Variants in SPATA13 observed in about 807,000 individuals in gnomAD.
The protein encoded by SPATA13 is spermatogenesis-associated protein 13.
A neutral mutation model predicts 104.0 loss-of-function variants in SPATA13; 50 were observed. That is an observed-to-expected ratio of 0.48 (90% confidence interval 0.38 to 0.61). SPATA13 has a LOEUF of 0.61. Ranked by LOEUF, SPATA13 falls within the 20% of genes least tolerant of loss-of-function variation. The pLI, the probability that SPATA13 is intolerant of heterozygous loss-of-function variation, is 0.00. For missense variants in SPATA13, 1,524 were observed against 1,690.6 expected (o/e 0.90, Z 1.73); for synonymous variants, 606 against 667.5 (o/e 0.91, Z 1.42).
chr13:24,172,927 C>A (rs1054661092), intron 1 of SPATA13, among the ~76,000 whole-genome samples: 5 of 152,186 alleles, frequency 3.3e-5, no homozygotes, highest in African/African-American at 9.7e-5. Context: ...AGTTTCTGAT[C>A]AGTTAACACA....
intron 2 of SPATA13, among the ~76,000 whole-genome samples, chr13:24,007,958 C>G (rs1876306118): frequency 6.6e-6 from 1 of 152,172 alleles, no homozygotes; most frequent in Non-Finnish European, 1.5e-5. Flanking sequence ...CAAGCATAAC[C>G]CAGAAGTCCT....
chr13:24,075,444 G>T (rs1879293533), intron 3 of SPATA13, among the ~76,000 whole-genome samples: 1 of 152,008 alleles, frequency 6.6e-6, no homozygotes, highest in Non-Finnish European at 1.5e-5. Flanking sequence ...TGTTAATAAA[G>T]GGGAAAAATC....
At chr13:24,009,973 G>C (rs1876397355) in intron 2 of SPATA13, among the ~76,000 whole-genome samples, 1 of 152,172 alleles carries the variant, frequency 6.6e-6, no homozygotes. Flanking sequence ...TTTACAGGCA[G>C]TCCTGACAAC....
In SPATA13 at chr13:24,232,964, C is replaced by T. The variant is rs140361095; in HGVS notation, c.1653+8382C>T. Among the ~76,000 whole-genome samples the T allele has an allele frequency of 5.3e-4, 81 of 152,260 alleles. 1 individual carries two copies. The highest frequency in any genetic ancestry group is 1.8e-3 in the African/African-American group (74 of 41,538). ...ACTCTAAGATTACAAAGATTTTCTT[C>T]TGTGTTATTTTCTGGAAGTTTTATC... On this transcript the variant is annotated intron_variant, in intron 2 of 12. Coordinates refer to ENST00000382108, the MANE Select transcript of SPATA13 (RefSeq NM_001166271.3).
At chr13:24,159,358 A>C (rs1882370858), upstream of SPATA13, among the ~76,000 whole-genome samples, 1 of 152,244 alleles carries the variant, frequency 6.6e-6, no homozygotes, top group African/African-American at 2.4e-5. Context: ...GAATTAAATA[A>C]AATTTGCCCA....
rs1873494444 is a variant in SPATA13 at position 24,251,743 on chromosome 13, C to T, written c.2045C>T (p.Ala682Val). 6.2e-7 allele frequency: 1 copy of T among 1,614,072 alleles called. No homozygotes were observed. The highest frequency in any genetic ancestry group is 8.5e-7 in the Non-Finnish European group (1 of 1,180,020). The change falls in exon 4 of 13, where the codon GCT becomes GTT. Residue 682 changes from alanine to valine, a missense_variant. Physicochemically the swap from Ala to Val is moderately conservative, Grantham distance 64. This residue lies in a region of SPATA13 where 1,089 missense variants were observed against 1,135.9 expected (regional missense o/e 0.96). Transcript: ENST00000382108. ...CCGGCTTCCAGGCCGCCCATGCCTG[C>T]TCACCAGGTGCCACCCTACAAGGCT... ...TQPASRPPMP[A>V]HQVPPYKAVS... is the part of the protein sequence containing the mutation.
At chr13:24,210,766 G>GTTTTTTTTTTTT (rs58789886) in intron 1 of SPATA13, among the ~76,000 whole-genome samples, 3 of 137,444 alleles carry the variant, frequency 2.2e-5, no homozygotes, top group African/African-American at 5.3e-5. Context: ...GAATTTTAGG[G>GTTTTTTTTTTTT]TTTTTTTTTT....
chr13:24,101,516 C>T (rs1880257737), intron 3 of SPATA13, among the ~76,000 whole-genome samples: 1 of 152,166 alleles, frequency 6.6e-6, no homozygotes, highest in African/African-American at 2.4e-5. Context: ...AAACTTACCA[C>T]CTTAACCATT....
At chr13:24,071,602 T>C (rs927621734) in intron 3 of SPATA13, among the ~76,000 whole-genome samples, 4 of 152,222 alleles carry the variant, frequency 2.6e-5, no homozygotes, top group Admixed American at 6.5e-5. Context: ...CTCAGCCCTC[T>C]GTAGTATGGA....
At chr13:24,236,276 C>T (rs1049957068) in intron 2 of SPATA13, among the ~76,000 whole-genome samples, 1 of 152,014 alleles carries the variant, frequency 6.6e-6, no homozygotes, top group Non-Finnish European at 1.5e-5. Flanking sequence ...ATGATATCTT[C>T]AACAACAACA....
chr13:24,111,374 CA>C (rs1466898620), intron 3 of SPATA13, among the ~76,000 whole-genome samples: 2 of 152,116 alleles, frequency 1.3e-5, no homozygotes, highest in African/African-American at 4.8e-5. Context: ...TCTATCCTTC[CA>C]GGGGGACTTT....
At chr13:24,129,269 C>T (rs1332007260) in intron 3 of SPATA13, among the ~76,000 whole-genome samples, 1 of 152,232 alleles carries the variant, frequency 6.6e-6, no homozygotes, top group Non-Finnish European at 1.5e-5. Flanking sequence ...AGTCTGAGTA[C>T]AGCGTCTGTC....
intron 1 of SPATA13, among the ~76,000 whole-genome samples, chr13:24,182,494 CAGAG>C (rs60047720): frequency 2.0e-5 from 3 of 148,910 alleles, no homozygotes; most frequent in Admixed American, 6.7e-5. Context: ...GAGAGAGAGA[CAGAG>C]AGAGAGAGAG....
At chr13:24,132,019 G>A (rs1365099046) in intron 3 of SPATA13, among the ~76,000 whole-genome samples, 1 of 152,232 alleles carries the variant, frequency 6.6e-6, no homozygotes, top group East Asian at 1.9e-4. Flanking sequence ...GTCAGCCAAT[G>A]AGATGCGCTT....
chr13:24,219,513 A>G (rs910730644), intron 1 of SPATA13, among the ~76,000 whole-genome samples: 1 of 152,254 alleles, frequency 6.6e-6, no homozygotes, highest in Non-Finnish European at 1.5e-5. Context: ...TACGGATTAG[A>G]CAAGGCAGGA....
intron 1 of SPATA13, among the ~76,000 whole-genome samples, chr13:24,203,476 G>T (rs537417951): frequency 1.0e-3 from 154 of 152,276 alleles, no homozygotes; most frequent in African/African-American, 3.7e-3. Flanking sequence ...GTGACTGAAA[G>T]GGGACAGCAC....
intron 3 of SPATA13, among the ~76,000 whole-genome samples, chr13:24,052,083 A>C (rs1427866684): frequency 3.1e-5 from 2 of 65,132 alleles, no homozygotes; most frequent in Non-Finnish European, 7.3e-5. Flanking sequence ...TTACACCAGC[A>C]TCCTGTGCTG....
At chr13:23,983,130 C>T (rs6490851) in intron 1 of SPATA13, among the ~76,000 whole-genome samples, 50,617 of 151,976 alleles carry the variant, frequency 0.33, 8,709 homozygotes, top group Middle Eastern at 0.46. Flanking sequence ...TGTCTTTGTT[C>T]GGGCTGCCAT....
rs376443899 is a variant in SPATA13, at chr13:24,011,399, G to A, written c.-146-6268G>A. Among the ~76,000 whole-genome samples the A allele has an allele frequency of 9.8e-5, 15 of 152,326 alleles. No individual in the cohort carries two copies. The highest frequency in any genetic ancestry group is 3.4e-3 in the Middle Eastern group (1 of 294). On this transcript the variant is annotated intron_variant, in intron 2 of 14. Transcript: ENST00000424834. The surrounding 1 kb of genome is among the most constrained non-coding windows in gnomAD (Gnocchi z 4.3). ...TGAGGACTCAGGGATCCCTGAGACC[G>A]TTCTGGGCAGGTCTGGCTTGCTGCC... is the stretch of plus-strand genomic sequence containing the variant.
Sources: gnomAD v4.1 joint callset for allele counts (sites outside exome capture counted in the v4.1 genomes callset) on GRCh38, gnomAD v4.1.1 for gene constraint, gnomAD v4.1.1 regional missense constraint, Gnocchi (gnomAD v3.1) non-coding constraint, MANE v1.5 for transcripts, NCBI Gene and HGNC (gene_info 2026-07-23, HGNC 2026-07-21) for gene names.